RPAP2: variants seen among roughly 807,000 people sequenced by gnomAD.
RPAP2 encodes the protein RNA polymerase II associated protein 2.
Under a neutral mutation model 73.1 loss-of-function variants are expected in RPAP2, and 52 were observed. That is an observed-to-expected ratio of 0.71 (90% CI 0.57 to 0.90). The LOEUF is 0.90. Among genes scored for constraint, RPAP2 ranks in the 40% least tolerant of loss-of-function variants. The probability of loss-of-function intolerance (pLI) is 0.00; values close to 1 mark genes in which losing one functional copy is unlikely to be tolerated. For missense variants in RPAP2, 598 were observed against 701.8 expected, an observed-to-expected ratio of 0.85 and a Z score of 1.67; for synonymous variants, 225 against 242.1, an observed-to-expected ratio of 0.93 and a Z score of 0.65.
rs1234395741 is a variant in RPAP2 at position 92,394,214 on chromosome 1, A to T, written c.*7203A>T. The stretch of plus-strand genomic sequence containing the variant: ...AGCCGGAAACCATCATTCTCAGCAA[A>T]CTATCACAAGATCAGAAAACCAAAC... On this transcript the variant is annotated 3_prime_UTR_variant, in exon 13 of 13. Transcript: ENST00000610020. 6.6e-6 allele frequency: 1 copy of T among 152,174 alleles called. No individual in the cohort carries two copies. Among genetic ancestry groups the T allele is most frequent in the East Asian group, 1.9e-4 (1 of 5,188 alleles). 9.4% of individuals were successfully genotyped at this position (152,174 alleles called of 1,614,324 possible). A position where few individuals can be genotyped will look rare whatever the true frequency, so the allele number is the denominator to read the frequency against.
At chr1:92,382,157 T>C (rs535324043) in intron 12 of RPAP2, among the ~76,000 whole-genome samples, 113 of 152,288 alleles carry the variant, frequency 7.4e-4, no homozygotes, top group Admixed American at 1.1e-3. Context: ...ATTTTCTTAA[T>C]CCAGTCTATC....
At chr1:92,370,461 C>G (rs554088405) in intron 11 of RPAP2, among the ~76,000 whole-genome samples, 1 of 152,144 alleles carries the variant, frequency 6.6e-6, no homozygotes, top group African/African-American at 2.4e-5. Flanking sequence ...TCGTACCCCC[C>G]CACCAAAAAC....
intron 11 of RPAP2, among the ~76,000 whole-genome samples, 185 bp downstream of exon 11, chr1:92,346,099 A>G: frequency 6.6e-6 from 1 of 151,742 alleles, no homozygotes. Context: ...ATTATTCTCT[A>G]TATTTTTTAC....
chr1:92,367,056 C>T (rs1654963416), intron 11 of RPAP2, among the ~76,000 whole-genome samples: 1 of 152,148 alleles, frequency 6.6e-6, no homozygotes, highest in Non-Finnish European at 1.5e-5. Flanking sequence ...GATAGATAAG[C>T]AAATAAACAA....
intron 11 of RPAP2, among the ~76,000 whole-genome samples, chr1:92,356,178 A>G (rs1281715055): frequency 6.6e-6 from 1 of 152,022 alleles, no homozygotes; most frequent in Non-Finnish European, 1.5e-5. Flanking sequence ...GGGTTTCACC[A>G]TCTTGGCCAG....
intron 11 of RPAP2, among the ~76,000 whole-genome samples, chr1:92,357,832 CCT>C (rs1654553931): frequency 6.6e-6 from 1 of 152,214 alleles, no homozygotes; most frequent in Admixed American, 6.5e-5. Context: ...ATACCCTGCC[CCT>C]GAGATAAATT....
chr1:92,376,013 A>T (rs1342972101), intron 11 of RPAP2, among the ~76,000 whole-genome samples: 1 of 151,844 alleles, frequency 6.6e-6, no homozygotes, highest in South Asian at 2.1e-4. Context: ...AAAAAAAAAA[A>T]AAAAATTAAA....
intron 11 of RPAP2, among the ~76,000 whole-genome samples, chr1:92,371,315 A>ATAT (rs1553155668): frequency 2.5e-5 from 1 of 39,254 alleles, no homozygotes; most frequent in Non-Finnish European, 4.9e-5. Flanking sequence ...AAAAAAAAAA[A>ATAT]AAAAATATAT....
chr1:92,385,377 C>A (rs930931960), intron 12 of RPAP2, among the ~76,000 whole-genome samples: 1 of 152,030 alleles, frequency 6.6e-6, no homozygotes, highest in African/African-American at 2.4e-5. Flanking sequence ...CTTAACAGTT[C>A]CCCTATGATC....
At chr1:92,327,789 T>C (rs1045692728) in intron 8 of RPAP2, among the ~76,000 whole-genome samples, 20 of 152,150 alleles carry the variant, frequency 1.3e-4, no homozygotes, top group Non-Finnish European at 7.4e-5. Flanking sequence ...TATTTTGGTA[T>C]TATTTCCAGG....
intron 11 of RPAP2, among the ~76,000 whole-genome samples, chr1:92,371,521 T>A (rs1033072403): frequency 7.2e-5 from 11 of 151,856 alleles, no homozygotes; most frequent in African/African-American, 2.7e-4. Flanking sequence ...AGATATGGAA[T>A]CAGCCGAAGT....
chr1:92,349,241 A>G (rs141458546), intron 11 of RPAP2, among the ~76,000 whole-genome samples: 752 of 152,324 alleles, frequency 4.9e-3, no homozygotes, highest in African/African-American at 0.017. Flanking sequence ...AAGATTCTAA[A>G]TGGCAGTTGT....
intron 11 of RPAP2, among the ~76,000 whole-genome samples, chr1:92,350,653 C>G (rs1654155772): frequency 6.6e-6 from 1 of 152,190 alleles, no homozygotes; most frequent in African/African-American, 2.4e-5. Flanking sequence ...AGATTGTCTT[C>G]TATAGGCCAG....
At chr1:92,316,120 C>G (rs1211539010) in intron 6 of RPAP2, among the ~76,000 whole-genome samples, 1 of 152,078 alleles carries the variant, frequency 6.6e-6, no homozygotes, top group Non-Finnish European at 1.5e-5. Flanking sequence ...CTAAGAAGGA[C>G]AAATGTGGAA....
rs1655892199 is a variant in RPAP2 at position 92,387,010 on chromosome 1, GAT to G, written c.*4_*5del. On this transcript the variant is annotated splice_region_variant and stop_retained_variant and 3_prime_UTR_variant, in exon 13 of 13. Coordinates refer to ENST00000610020, the MANE Select transcript of RPAP2 (RefSeq NM_024813.3). ...TCAAAGTATCCTTTTTTGCTTCACA[GAT>G]ATATTCCATGAAGACAAAATAGAAG... 1 of 1,586,818 alleles carries G rather than the reference GAT, an allele frequency of 6.3e-7. No homozygotes were observed.
intron 11 of RPAP2, among the ~76,000 whole-genome samples, chr1:92,373,032 G>A (rs1655218271): frequency 6.6e-6 from 1 of 152,226 alleles, no homozygotes; most frequent in Admixed American, 6.5e-5. Context: ...GATCTACAGT[G>A]TAACAGGCAC....
At chr1:92,317,797 C>CA (rs1041724630) in intron 6 of RPAP2, among the ~76,000 whole-genome samples, 14 of 152,096 alleles carry the variant, frequency 9.2e-5, no homozygotes, top group African/African-American at 3.4e-4. Flanking sequence ...TTTTAATTCT[C>CA]AAAAAATAAC....
chr1:92,361,540 G>T (rs1654735030), intron 11 of RPAP2, among the ~76,000 whole-genome samples: 1 of 152,108 alleles, frequency 6.6e-6, no homozygotes, highest in African/African-American at 2.4e-5. Context: ...CTGAAGAAAA[G>T]ACTTTCATTA....
intron 11 of RPAP2, among the ~76,000 whole-genome samples, chr1:92,367,915 A>T (rs1429986455): frequency 6.6e-6 from 1 of 152,164 alleles, no homozygotes; most frequent in Non-Finnish European, 1.5e-5. Flanking sequence ...TCTATGAGAG[A>T]GTTATTACTT....
Sources: gnomAD v4.1 joint callset for allele counts (sites outside exome capture counted in the v4.1 genomes callset) on GRCh38, gnomAD v4.1.1 for gene constraint, MANE v1.5 for transcripts, NCBI Gene and HGNC (gene_info 2026-07-23, HGNC 2026-07-21) for gene names.